Variants in ITGAM observed in about 807,000 individuals in gnomAD.
ITGAM encodes integrin subunit alpha M.
In ITGAM, 79 loss-of-function variants were observed where a neutral mutation model predicts 137.5. The ratio of observed to expected loss-of-function variants is 0.57; its 90% CI spans 0.48 to 0.69. The LOEUF is 0.69. Among genes scored for constraint, ITGAM ranks in the 30% least tolerant of loss-of-function variants. The probability of loss-of-function intolerance (pLI) is 0.00; values close to 1 mark genes in which losing one functional copy is unlikely to be tolerated. For missense variants in ITGAM, 1,343 were observed against 1,483.5 expected (o/e 0.91, Z 1.56); for synonymous variants, 583 against 592.3 (o/e 0.98, Z 0.23).
In ITGAM at chr16:31,329,853, T is replaced by A. The variant is rs1199916045; in HGVS notation, c.2924T>A (p.Val975Asp). 3 of 1,564,812 alleles carry A rather than the reference T, an allele frequency of 1.9e-6. No individual in the cohort carries two copies. The highest frequency in any genetic ancestry group is 3.8e-5 in the Admixed American group (2 of 52,160). Residue 975 changes from valine to aspartate, a missense_variant, in exon 25 of 30, where the codon GTC becomes GAC. Val to Asp is a radical substitution (Grantham distance 152). Transcript: ENST00000544665. ...LPISLVFLVP[V>D]RLNQTVIWDR... ...ATCAGCCTGGTGTTCTTGGTGCCCG[T>A]CCGGCTGAACCAGACTGTCATATGG...
In ITGAM at chr16:31,273,526, A is replaced by G; in HGVS notation, c.858+8A>G. On this transcript the variant is annotated splice_region_variant and intron_variant, in intron 8 of 29. Transcript: ENST00000544665. ...ATTCGCTACGTCATTGGGGTAGGGA[A>G]TGCAGCTCTCAGGTTGATGCTTCTG... 6.2e-7 allele frequency: 1 copy of G among 1,613,236 alleles called. No homozygotes were observed. The highest frequency in any genetic ancestry group is 8.5e-7 in the Non-Finnish European group (1 of 1,179,410).
intron 12 of ITGAM, among the ~76,000 whole-genome samples, chr16:31,281,378 T>C (rs1380621592): frequency 6.6e-6 from 1 of 152,236 alleles, no homozygotes; most frequent in East Asian, 1.9e-4. Flanking sequence ...AGGCTATTAA[T>C]TATTGCCTCA....
chr16:31,265,513 C>G lies in ITGAM; in HGVS notation c.238+15C>G. ...CCGCCTGCAGGGTGAGTCACTGCCC[C>G]GCCGGGCTGGGACTGGGATTCCCCT... On this transcript the variant is annotated intron_variant, in intron 3 of 29. Coordinates refer to ENST00000544665, the MANE Select transcript of ITGAM (RefSeq NM_000632.4). 1 of 1,531,818 alleles carries G rather than the reference C, an allele frequency of 6.5e-7. No individual in the cohort carries two copies. Among genetic ancestry groups the G allele is most frequent in the Non-Finnish European group, 8.9e-7 (1 of 1,120,898 alleles). The allele number at this position is 1,531,818 out of a possible 1,614,324, so 94.9% of individuals were successfully genotyped here. A position where few individuals can be genotyped will look rare whatever the true frequency, so the allele number is the denominator to read the frequency against.
intron 14 of ITGAM, among the ~76,000 whole-genome samples, chr16:31,312,688 C>G (rs2080347279): frequency 6.6e-6 from 1 of 152,108 alleles, no homozygotes. Context: ...CTTGGCCTCC[C>G]AAAGTGCTGG....
chr16:31,331,985 A>AAG lies in ITGAM; in HGVS notation c.*278_*279insAG, dbSNP rs2080593743. On this transcript the variant is annotated 3_prime_UTR_variant, in exon 30 of 30. Transcript: ENST00000544665. ...TGTCCAAGTGTGTGTGCGTGTGTCC[A>AAG]TGTGTGTGCAAGTGTGTGCATGTGT... is the stretch of plus-strand genomic sequence containing the variant. The AAG allele has an allele frequency of 2.1e-6, 1 of 483,644 alleles. No homozygotes were observed. Among genetic ancestry groups the AAG allele is most frequent in the African/African-American group, 2.0e-5 (1 of 49,126 alleles). 30.0% of individuals were successfully genotyped at this position (483,644 alleles called of 1,614,324 possible).
In ITGAM at chr16:31,324,363, C is replaced by T; in HGVS notation, c.2003-36C>T. 6.5e-7 allele frequency: 1 copy of T among 1,542,908 alleles called. No individual in the cohort carries two copies. The highest frequency in any genetic ancestry group is 8.8e-7 in the Non-Finnish European group (1 of 1,139,604). On this transcript the variant is annotated intron_variant, in intron 16 of 29. Coordinates refer to ENST00000544665, the MANE Select transcript of ITGAM (RefSeq NM_000632.4). This position sits in a 1 kb window ranked among gnomAD's most constrained non-coding sequence, Gnocchi z 4.5. Reference sequence around the variant, plus strand: ...CTCCCATCTGCCGGGTTCCGAGGCTCAGGCCCCTCACTGCTGTGCCACCCT... The same window carrying T: ...CTCCCATCTGCCGGGTTCCGAGGCTTAGGCCCCTCACTGCTGTGCCACCCT...
Position 31,278,075 on chromosome 16 carries a change from T to C in ITGAM, c.1322T>C (p.Met441Thr), listed in dbSNP as rs1143680. ...LVAMFRQNTG[M>T]WESNANVKGT... is the part of the protein sequence containing the mutation. ...GCGATGTTCAGGCAGAACACTGGCATGTGGGAGTCCAACGCTAATGTCAAG... is the reference window on the plus strand; with the variant it reads ...GCGATGTTCAGGCAGAACACTGGCACGTGGGAGTCCAACGCTAATGTCAAG... Residue 441 changes from methionine (M) to threonine (T), a missense_variant, in exon 12 of 30, where the codon ATG (methionine) becomes ACG (threonine). By Grantham distance (81) the Met-to-Thr change is moderately conservative. Coordinates refer to ENST00000544665, the MANE Select transcript of ITGAM (RefSeq NM_000632.4). 225,275 of 1,607,880 alleles carry C rather than the reference T, an allele frequency of 0.14. 17,232 individuals carry two copies. Among genetic ancestry groups the C allele is most frequent in the African/African-American group, 0.19 (14,089 of 74,872 alleles).
At chr16:31,327,100 T>A in intron 22 of ITGAM, 165 bp downstream of exon 22, 4 of 673,070 alleles carry the variant, frequency 5.9e-6, no homozygotes, top group Non-Finnish European at 8.1e-6. Flanking sequence ...TTGTGCTGAG[T>A]GCTGGTGGGA....
chr16:31,287,280 A>G (rs1204507716), intron 12 of ITGAM, among the ~76,000 whole-genome samples: 1 of 152,122 alleles, frequency 6.6e-6, no homozygotes, highest in African/African-American at 2.4e-5. Flanking sequence ...TTTGGTTACT[A>G]TAGCCTCATA....
chr16:31,307,078 C>T (rs992623901), intron 14 of ITGAM, among the ~76,000 whole-genome samples: 2 of 152,246 alleles, frequency 1.3e-5, no homozygotes, highest in South Asian at 2.1e-4. Flanking sequence ...AGTCAGGTAG[C>T]GTGATGCCTC....
At chr16:31,300,561 G>A (rs2080187616) in intron 14 of ITGAM, among the ~76,000 whole-genome samples, 1 of 152,076 alleles carries the variant, frequency 6.6e-6, no homozygotes, top group South Asian at 2.1e-4. Flanking sequence ...TGTATGTATT[G>A]GGCATTTTTG....
chr16:31,285,372 C>A (rs753255404), intron 12 of ITGAM, among the ~76,000 whole-genome samples: 1 of 152,096 alleles, frequency 6.6e-6, no homozygotes, highest in Admixed American at 6.5e-5. Flanking sequence ...TCCTCCCTTA[C>A]CAGCACTTTG....
chr16:31,331,850 T>C lies in ITGAM; in HGVS notation c.*143T>C. 1.8e-6 allele frequency: 1 copy of C among 565,678 alleles called. No individual in the cohort carries two copies. The highest frequency in any genetic ancestry group is 3.1e-6 in the Non-Finnish European group (1 of 322,842). 35.0% of individuals were successfully genotyped at this position (565,678 alleles called of 1,614,324 possible). A position where few individuals can be genotyped will look rare whatever the true frequency, so the allele number is the denominator to read the frequency against. On this transcript the variant is annotated 3_prime_UTR_variant, in exon 30 of 30. Coordinates refer to ENST00000544665, the MANE Select transcript of ITGAM (RefSeq NM_000632.4). ...GGGCTTCCATTTGTGTGTGTGCAAGTGTGTATGTGCGTGTGTGCAAGTGTC... is the reference window on the plus strand; with the variant it reads ...GGGCTTCCATTTGTGTGTGTGCAAGCGTGTATGTGCGTGTGTGCAAGTGTC...
At chr16:31,331,426 C>T (rs2080581432) in intron 29 of ITGAM, 151 bp downstream of exon 29, 7 of 674,626 alleles carry the variant, frequency 1.0e-5, no homozygotes, top group Admixed American at 2.6e-5. Context: ...GGGAGGGTGG[C>T]CGGGTTCATG....
At chr16:31,327,800 A>G (rs887953938) in intron 22 of ITGAM, among the ~76,000 whole-genome samples, 1 of 152,122 alleles carries the variant, frequency 6.6e-6, no homozygotes, top group Non-Finnish European at 1.5e-5. Context: ...GATACAGGCC[A>G]TGTCCCAAAA....
rs747301011 is a variant in ITGAM, at chr16:31,265,853, C to T, written c.281C>T (p.Ala94Val). ...AACATGTCCCTGGGCCTGTCCCTGG[C>T]AGCCACCACCAGCCCCCCTCAGCTG... ...AVNMSLGLSL[A>V]ATTSPPQLLA... Residue 94 changes from alanine to valine, a missense_variant, in exon 4 of 30, where the codon GCA becomes GTA. Coordinates refer to ENST00000544665, the MANE Select transcript of ITGAM (RefSeq NM_000632.4). 6.2e-7 allele frequency: 1 copy of T among 1,613,904 alleles called. No individual in the cohort carries two copies. The highest frequency in any genetic ancestry group is 8.5e-7 in the Non-Finnish European group (1 of 1,179,984).
chr16:31,314,214 G>A (rs2080366568), intron 14 of ITGAM, among the ~76,000 whole-genome samples: 1 of 152,084 alleles, frequency 6.6e-6, no homozygotes, highest in Non-Finnish European at 1.5e-5. Flanking sequence ...CTTTTGCTGT[G>A]CAGAAGCTCT....
At position 31,330,338 on chromosome 16, in the gene ITGAM, C is replaced by T; in HGVS notation, c.3091C>T (p.Gln1031Ter). The part of the protein sequence containing the change: ...NCSIAVCQRI[Q>*]CDIPFFGIQE... The stretch of plus-strand genomic sequence containing the variant: ...CTCCATCGCTGTCTGCCAGAGAATC[C>T]AGTGTGACATCCCGTTCTTTGGCAT... The change falls in exon 27 of 30, where the codon CAG (glutamine) becomes TAG (stop). Residue 1031 changes from glutamine (Q) to a stop codon, truncating the protein, a stop_gained. Transcript: ENST00000544665. LOFTEE classifies it high-confidence loss of function. 6.2e-7 allele frequency: 1 copy of T among 1,613,996 alleles called. No individual in the cohort carries two copies. Among genetic ancestry groups the T allele is most frequent in the Non-Finnish European group, 8.5e-7 (1 of 1,179,862 alleles).
At chr16:31,273,200 G>GC (rs1266141041) in intron 7 of ITGAM, among the ~76,000 whole-genome samples, 165 bp from the exon 8 acceptor site, 26 of 152,088 alleles carry the variant, frequency 1.7e-4, no homozygotes, top group Admixed American at 1.5e-3. Flanking sequence ...GGAGGCTGAG[G>GC]CAGGAGAATC....
Sources: gnomAD v4.1 joint callset for allele counts (sites outside exome capture counted in the v4.1 genomes callset) on GRCh38, gnomAD v4.1.1 for gene constraint, Gnocchi (gnomAD v3.1) non-coding constraint, MANE v1.5 for transcripts, NCBI Gene and HGNC (gene_info 2026-07-23, HGNC 2026-07-21) for gene names.